Variants in RBFOX1 observed in about 807,000 individuals in gnomAD.
The protein encoded by RBFOX1 is RNA binding fox-1 homolog 1.
A neutral mutation model predicts 57.7 loss-of-function variants in RBFOX1; 8 were observed. The observed-to-expected ratio is 0.14, with a 90% CI of 0.08 to 0.25. The LOEUF is 0.25. RBFOX1 is among the 10% of genes least tolerant of loss of function. The pLI, the probability that RBFOX1 is intolerant of heterozygous loss-of-function variation, is 1.00. For missense variants in RBFOX1, 611 were observed against 548.5 expected (o/e 1.11, Z -1.14); for synonymous variants, 326 against 222.4 (o/e 1.47, Z -4.15).
intron 4 of RBFOX1, among the ~76,000 whole-genome samples, chr16:7,060,942 A>G (rs1365146431): frequency 6.6e-6 from 1 of 152,206 alleles, no homozygotes; most frequent in African/African-American, 2.4e-5. Context: ...CAGAAATCCC[A>G]GGTAGGTGGT....
chr16:7,011,582 C>T (rs143543603), intron 3 of RBFOX1, among the ~76,000 whole-genome samples: 2 of 152,102 alleles, frequency 1.3e-5, no homozygotes, highest in Admixed American at 6.5e-5. Context: ...GGCATGATCT[C>T]GGCTCACTGC....
At chr16:5,733,768 C>T (rs956370898) in intron 3 of RBFOX1, among the ~76,000 whole-genome samples, 1 of 151,914 alleles carries the variant, frequency 6.6e-6, no homozygotes, top group Non-Finnish European at 1.5e-5. Context: ...CTTTCCCATT[C>T]TCACCTTTTC....
chr16:6,143,981 A>ATATATCTC (rs988042921), intron 1 of RBFOX1, among the ~76,000 whole-genome samples: 4 of 149,796 alleles, frequency 2.7e-5, no homozygotes, highest in African/African-American at 9.9e-5. Flanking sequence ...ATATATATAT[A>ATATATCTC]TCTCTACCTA....
intron 1 of RBFOX1, among the ~76,000 whole-genome samples, chr16:5,364,277 G>T (rs1433418875): frequency 6.6e-6 from 1 of 152,214 alleles, no homozygotes; most frequent in African/African-American, 2.4e-5. Context: ...TGCACCAACA[G>T]TCCCCCAGGG....
At chr16:5,987,068 C>G (rs977316550) in intron 4 of RBFOX1, among the ~76,000 whole-genome samples, 1 of 152,110 alleles carries the variant, frequency 6.6e-6, no homozygotes, top group Non-Finnish European at 1.5e-5. Context: ...TTTTGCTATT[C>G]TTACAGGTTG....
At chr16:6,239,514 T>TTC (rs1491056884) in intron 1 of RBFOX1, among the ~76,000 whole-genome samples, 1 of 106,690 alleles carries the variant, frequency 9.4e-6, no homozygotes, top group Non-Finnish European at 1.9e-5. Context: ...TTTTTTTTTT[T>TTC]CTGAGATAGA....
chr16:6,769,829 A>C (rs1245511798), intron 3 of RBFOX1, among the ~76,000 whole-genome samples: 1 of 152,190 alleles, frequency 6.6e-6, no homozygotes, highest in African/African-American at 2.4e-5. Context: ...CACAAAACAC[A>C]TTCTGAGGAC....
Position 5,722,209 on chromosome 16 carries a change from A to C in RBFOX1, c.318+123248A>C, listed in dbSNP as rs538051502. On this transcript the variant is annotated intron_variant, in intron 3 of 19. Transcript: ENST00000641259. Reference sequence around the variant, plus strand: ...TAGGGTTTGTTAATTACAGTATTTAACTGTTGTCGTTATTGTTTCCTTGGA... The same window carrying C: ...TAGGGTTTGTTAATTACAGTATTTACCTGTTGTCGTTATTGTTTCCTTGGA... Among the ~76,000 whole-genome samples, 6 of 152,276 alleles carry C rather than the reference A, an allele frequency of 3.9e-5. No individual in the cohort carries two copies. The South Asian group carries it at 1.0e-3, about 26-fold the overall frequency.
intron 1 of RBFOX1, among the ~76,000 whole-genome samples, chr16:5,380,598 CTG>C: frequency 6.6e-6 from 1 of 152,214 alleles, no homozygotes; most frequent in East Asian, 1.9e-4. Context: ...CTAATTCCCA[CTG>C]TGTGCAGGCT....
chr16:5,863,168 A>C (rs1022573166), intron 3 of RBFOX1, among the ~76,000 whole-genome samples: 1 of 152,178 alleles, frequency 6.6e-6, no homozygotes, highest in Non-Finnish European at 1.5e-5. Flanking sequence ...AGTTCCTAGC[A>C]CAAGTGAGAA....
chr16:6,117,768 A>C (rs1444552792), intron 1 of RBFOX1, among the ~76,000 whole-genome samples: 1 of 152,242 alleles, frequency 6.6e-6, no homozygotes, highest in East Asian at 1.9e-4. Context: ...AAAATGGAGT[A>C]AGACGCTATC....
At chr16:6,628,474 A>T (rs1354765510) in intron 2 of RBFOX1, among the ~76,000 whole-genome samples, 1 of 152,238 alleles carries the variant, frequency 6.6e-6, no homozygotes, top group African/African-American at 2.4e-5. Flanking sequence ...CTATATACCC[A>T]GCATTAAGAT....
intron 3 of RBFOX1, among the ~76,000 whole-genome samples, chr16:6,850,308 G>A (rs972606318): frequency 2.0e-5 from 3 of 152,152 alleles, no homozygotes; most frequent in Non-Finnish European, 4.4e-5. Context: ...TGACAGGTAC[G>A]ATGAAAGAAT....
At chr16:7,176,831 G>T (rs187080517) in intron 4 of RBFOX1, among the ~76,000 whole-genome samples, 1 of 152,212 alleles carries the variant, frequency 6.6e-6, no homozygotes, top group Non-Finnish European at 1.5e-5. Context: ...GGTAATAAAT[G>T]TAAAGAAAAA....
At chr16:7,236,191 A>G (rs1031917984) in intron 4 of RBFOX1, among the ~76,000 whole-genome samples, 20 of 152,210 alleles carry the variant, frequency 1.3e-4, no homozygotes, top group Non-Finnish European at 2.8e-4. Context: ...TATTTAATAT[A>G]TAAAAATCAA....
intron 4 of RBFOX1, among the ~76,000 whole-genome samples, chr16:7,152,788 A>C (rs1175534152): frequency 4.6e-5 from 7 of 152,208 alleles, no homozygotes; most frequent in African/African-American, 1.7e-4. Flanking sequence ...TTTATGTCTA[A>C]GCATGGTGGA....
At chr16:6,276,369 C>T (rs1205011217) in intron 1 of RBFOX1, among the ~76,000 whole-genome samples, 2 of 151,920 alleles carry the variant, frequency 1.3e-5, no homozygotes, top group African/African-American at 2.4e-5. Context: ...CAGTCCCATT[C>T]TGTTGCCCAA....
chr16:7,055,692 A>T (rs925666820), intron 4 of RBFOX1, among the ~76,000 whole-genome samples: 3 of 152,210 alleles, frequency 2.0e-5, no homozygotes, highest in African/African-American at 7.2e-5. Context: ...TGGCTACAGC[A>T]GTTATGATTC....
chr16:6,663,341 A>AT, intron 3 of RBFOX1, among the ~76,000 whole-genome samples: 2 of 152,268 alleles, frequency 1.3e-5, no homozygotes, highest in Admixed American at 1.3e-4. Context: ...AACACTGACA[A>AT]TGGATTGATC....
Sources: allele counts gnomAD v4.1 joint callset (sites outside exome capture counted in the v4.1 genomes callset), GRCh38; gene constraint gnomAD v4.1.1; transcripts MANE v1.5; gene names NCBI Gene and HGNC (gene_info 2026-07-23, HGNC 2026-07-21).